The following GGT7 variants were observed in gnomAD, a reference collection of about 807,000 sequenced individuals.
The protein encoded by GGT7 is glutathione hydrolase 7.
In GGT7, 30 loss-of-function variants were observed where a neutral mutation model predicts 69.2. The ratio of observed to expected loss-of-function variants is 0.43; its 90% CI spans 0.32 to 0.59. The LOEUF (loss-of-function observed/expected upper bound fraction) is 0.59. Ranked by LOEUF, GGT7 falls within the 20% of genes least tolerant of loss-of-function variation. The probability of loss-of-function intolerance (pLI) is 0.05; values close to 1 mark genes in which losing one functional copy is unlikely to be tolerated. For synonymous variants in GGT7, 388 were observed against 391.8 expected, an observed-to-expected ratio of 0.99 and a Z score of 0.12; for missense variants, 733 against 901.1, an observed-to-expected ratio of 0.81 and a Z score of 2.39.
In GGT7 at chr20:34,851,311, G is replaced by A; in HGVS notation, c.1645C>T (p.Arg549Ter). Residue 549 changes from arginine (R) to a stop codon, truncating the protein, a stop_gained, in exon 13 of 15, where the codon CGA becomes TGA. Transcript: ENST00000336431. LOFTEE classifies it high-confidence loss of function. Reference sequence around the variant, plus strand: ...GTTCCACAGAGCCCCTCCGCGGGTCGGACCACTGTGGGCAGCAGGAAAGAG... The same window carrying A: ...GTTCCACAGAGCCCCTCCGCGGGTCAGACCACTGTGGGCAGCAGGAAAGAG... ...PLSFLLPTVV[R>*]PAEGLCGTYL... The A allele has an allele frequency of 1.2e-6, 2 of 1,613,932 alleles. No individual in the cohort carries two copies. Among genetic ancestry groups the A allele is most frequent in the African/African-American group, 1.3e-5 (1 of 75,050 alleles).
At chr20:34,853,340 GGTGTGTGT>G (rs10527077) in intron 10 of GGT7, among the ~76,000 whole-genome samples, 7,815 of 147,374 alleles carry the variant, frequency 0.053, 270 homozygotes, top group East Asian at 0.081. Context: ...ATTTCATATA[GGTGTGTGT>G]GTGTGTGTGT....
At position 34,845,435 on chromosome 20, in the gene GGT7, T is replaced by G. The variant is rs1462143709; in HGVS notation, c.1882A>C (p.Lys628Gln). ...FLEARGHHVE[K>Q]VDVLSWVHGS... is the part of the protein sequence containing the mutation. ...TGGACCCAGGATAAGACATCTACTT[T>G]CTCCACGTGGTGACCCCTGGCTTCC... Residue 628 changes from lysine to glutamine, a missense_variant, in exon 15 of 15, where the codon AAA becomes CAA. Physicochemically the swap from Lys to Gln is moderately conservative, Grantham distance 53 (BLOSUM62 1). Transcript: ENST00000336431. 1 of 1,614,048 alleles carries G rather than the reference T, an allele frequency of 6.2e-7. No homozygotes were observed. The highest frequency in any genetic ancestry group is 8.5e-7 in the Non-Finnish European group (1 of 1,179,982).
In GGT7 at chr20:34,859,602, G is replaced by C. The variant is rs762799045; in HGVS notation, c.855C>G (p.Ser285=). ...GCAGGAACGTCTCCCGGAAGCGCTCGGACATGTTGGGTGGCAGCTGTTCAG... is the reference window on the plus strand; with the variant it reads ...GCAGGAACGTCTCCCGGAAGCGCTCCGACATGTTGGGTGGCAGCTGTTCAG... ...ALAEQLPPNM[S]ERFRETFLPS... Residue 285 remains serine (S), a synonymous_variant, in exon 7 of 15, where the codon TCC becomes TCG. Transcript: ENST00000336431. The C allele has an allele frequency of 6.3e-7, 1 of 1,599,640 alleles. No individual in the cohort carries two copies. The highest frequency in any genetic ancestry group is 1.3e-5 in the African/African-American group (1 of 74,766).
At chr20:34,866,612 C>T (rs918731980) in intron 1 of GGT7, among the ~76,000 whole-genome samples, 1 of 151,386 alleles carries the variant, frequency 6.6e-6, no homozygotes, top group Non-Finnish European at 1.5e-5. Context: ...CAGAGTCTCA[C>T]TCTGTCGCCC....
intron 1 of GGT7, among the ~76,000 whole-genome samples, chr20:34,871,107 A>C (rs1262454442): frequency 6.6e-6 from 1 of 152,234 alleles, no homozygotes; most frequent in African/African-American, 2.4e-5. Context: ...GAGAGTGAAC[A>C]AAACAATCAT....
rs777413502 is a variant in GGT7, at chr20:34,852,242, A to G, written c.1500T>C (p.Leu500=). The G allele has an allele frequency of 2.5e-6, 4 of 1,613,914 alleles. No homozygotes were observed. In the East Asian group the frequency reaches 8.9e-5, roughly 36 times the overall value. Residue 500 remains leucine, a synonymous_variant, in exon 12 of 15, where the codon CTT becomes CTC. Transcript: ENST00000336431. ...SSLNQPFGSG[L]ITPSGILLNS... is the part of the protein sequence containing the mutation. ...TGAGCAGGATCCCCGAGGGGGTGATAAGGCCGCTGCCAAAGGGCTGGTTCA... is the reference window on the plus strand; with the variant it reads ...TGAGCAGGATCCCCGAGGGGGTGATGAGGCCGCTGCCAAAGGGCTGGTTCA...
chr20:34,850,134 T>A, intron 13 of GGT7, 74 bp from the exon 14 acceptor site: 2 of 1,025,804 alleles, frequency 1.9e-6, no homozygotes, highest in Non-Finnish European at 3.1e-6. Context: ...GCTCTCACCC[T>A]TGGTCCAGGC....
At chr20:34,852,063 T>C in intron 12 of GGT7, 92 bp downstream of exon 12, 4 of 828,884 alleles carry the variant, frequency 4.8e-6, no homozygotes, top group Middle Eastern at 2.3e-4. Context: ...TAGAAGATTC[T>C]GGAGAAAGTA....
At chr20:34,847,367 C>G (rs1415369658) in intron 14 of GGT7, among the ~76,000 whole-genome samples, 2 of 152,172 alleles carry the variant, frequency 1.3e-5, no homozygotes. Context: ...GGTCATGTGT[C>G]TCCCCTTCCC....
At chr20:34,865,477 A>G (rs1003710053) in intron 1 of GGT7, among the ~76,000 whole-genome samples, 2 of 152,252 alleles carry the variant, frequency 1.3e-5, no homozygotes, top group African/African-American at 4.8e-5. Flanking sequence ...GGCATGAGCC[A>G]CTGCGCCCGG....
At position 34,845,313 on chromosome 20, in the gene GGT7, C is replaced by T. The variant is rs1455321142; in HGVS notation, c.*15G>A. On this transcript the variant is annotated 3_prime_UTR_variant, in exon 15 of 15. Coordinates refer to ENST00000336431, the MANE Select transcript of GGT7 (RefSeq NM_178026.3). Reference sequence around the variant, plus strand: ...GCAAAGTGGGGGAGCAGAGACCCCGCCCCACCCCGCTGCTCTACAGGATGG... The same window carrying T: ...GCAAAGTGGGGGAGCAGAGACCCCGTCCCACCCCGCTGCTCTACAGGATGG... 2.5e-6 allele frequency: 4 copies of T among 1,606,988 alleles called. No homozygotes were observed. Among genetic ancestry groups the T allele is most frequent in the African/African-American group, 2.7e-5 (2 of 74,854 alleles).
rs138133529 is a variant in GGT7 at position 34,853,659 on chromosome 20, T to C, written c.1319+872A>G. On this transcript the variant is annotated intron_variant, in intron 10 of 14. Transcript: ENST00000336431. ...TAGAGAATAAGTTACCAAAGATTAC[T>C]TGAAGACATTTATTCAATTTTCAAC... Among the ~76,000 whole-genome samples, 218 of 152,348 alleles carry C rather than the reference T, an allele frequency of 1.4e-3. 1 individual carries two copies. The highest frequency in any genetic ancestry group is 5.0e-3 in the African/African-American group (209 of 41,576).
intron 10 of GGT7, among the ~76,000 whole-genome samples, chr20:34,853,196 C>T (rs1039585723): frequency 9.8e-4 from 149 of 152,238 alleles, no homozygotes; most frequent in Non-Finnish European, 1.7e-3. Context: ...CCACTCACCT[C>T]GGCCTCCCAA....
At chr20:34,865,766 G>A (rs1184047178) in intron 1 of GGT7, among the ~76,000 whole-genome samples, 2 of 152,190 alleles carry the variant, frequency 1.3e-5, no homozygotes, top group East Asian at 1.9e-4. Context: ...GACCAGGGCT[G>A]AGACCCTCTT....
intron 4 of GGT7, among the ~76,000 whole-genome samples, 193 bp from the exon 5 acceptor site, chr20:34,860,514 C>G (rs1334035396): frequency 6.6e-6 from 1 of 152,094 alleles, no homozygotes; most frequent in African/African-American, 2.4e-5. Context: ...TCAGCAAATG[C>G]AGAAAGGCCT....
At chr20:34,851,856 G>A (rs546659096) in intron 12 of GGT7, among the ~76,000 whole-genome samples, 2 of 152,346 alleles carry the variant, frequency 1.3e-5, no homozygotes, top group East Asian at 3.9e-4. Flanking sequence ...GCTGGAAAAT[G>A]CCCAAAACAT....
chr20:34,860,165 G>A (rs2079566300), intron 5 of GGT7, 89 bp downstream of exon 5: 1 of 1,087,010 alleles, frequency 9.2e-7, no homozygotes, highest in African/African-American at 1.5e-5. Context: ...AGGGGGAGTT[G>A]GGAAAGGAAG....
At chr20:34,848,419 C>T (rs144446653) in intron 14 of GGT7, among the ~76,000 whole-genome samples, 8 of 152,358 alleles carry the variant, frequency 5.3e-5, no homozygotes, top group African/African-American at 1.7e-4. Flanking sequence ...TCACCAAGCC[C>T]CCACTCCTTG....
In GGT7 at chr20:34,872,671, C is replaced by T. The variant is rs754885048; in HGVS notation, c.145G>A (p.Ala49Thr). 1.2e-5 allele frequency: 18 copies of T among 1,478,674 alleles called. No homozygotes were observed. The East Asian group carries it at 3.8e-4, about 32-fold the overall frequency. 91.6% of individuals were successfully genotyped at this position (1,478,674 alleles called of 1,614,324 possible). A position where few individuals can be genotyped will look rare whatever the true frequency, so the allele number is the denominator to read the frequency against. Reference sequence around the variant, plus strand: ...CCGGTGTCGGGGTCTCCCAGAAAGGCGTCCTCGTCCTTGCGGCCCCTCAGC... The same window carrying T: ...CCGGTGTCGGGGTCTCCCAGAAAGGTGTCCTCGTCCTTGCGGCCCCTCAGC... The part of the protein sequence containing the change: ...APLRGRKDED[A>T]FLGDPDTDPD... Residue 49 changes from alanine (A) to threonine (T), a missense_variant, in exon 1 of 15, where the codon GCC becomes ACC. By Grantham distance (58) the Ala-to-Thr change is moderately conservative. Transcript: ENST00000336431.
Sources: gnomAD v4.1 joint callset for allele counts (sites outside exome capture counted in the v4.1 genomes callset) on GRCh38, gnomAD v4.1.1 for gene constraint, MANE v1.5 for transcripts, NCBI Gene and HGNC (gene_info 2026-07-23, HGNC 2026-07-21) for gene names.